The following ATM variants were observed in gnomAD, a reference collection of about 807,000 sequenced individuals.
The protein encoded by ATM is ATM serine/threonine kinase.
In ATM, 308 loss-of-function variants were observed where a neutral mutation model predicts 387.0. That is an observed-to-expected ratio of 0.80 (90% CI 0.73 to 0.87). The LOEUF is 0.87. ATM is among the 40% of genes least tolerant of loss of function. The pLI is 0.00. For missense variants in ATM, 3,312 were observed against 3,560.9 expected, an observed-to-expected ratio of 0.93 and a Z score of 1.78; for synonymous variants, 1,156 against 1,187.3, an observed-to-expected ratio of 0.97 and a Z score of 0.54.
chr11:108,252,488 T>C (rs1048186390), intron 11 of ATM, among the ~76,000 whole-genome samples: 11 of 152,286 alleles, frequency 7.2e-5, no homozygotes, highest in East Asian at 1.9e-4. Flanking sequence ...TTTCCACAGA[T>C]TGGTAATTGG....
intron 37 of ATM, among the ~76,000 whole-genome samples, chr11:108,307,499 T>G (rs2083781927): frequency 6.6e-6 from 1 of 152,234 alleles, no homozygotes; most frequent in Admixed American, 6.5e-5. Flanking sequence ...TTCCCTCTGC[T>G]AAGCTTCTGT....
At chr11:108,261,885 G>C (rs907079454) in intron 16 of ATM, among the ~76,000 whole-genome samples, 5 of 152,090 alleles carry the variant, frequency 3.3e-5, no homozygotes, top group South Asian at 2.1e-4. Flanking sequence ...GGGTATCAGC[G>C]ATGGAAGATG....
At chr11:108,225,860 C>A (rs1175247826) in intron 1 of ATM, 1 of 152,068 alleles carries the variant, frequency 6.6e-6, no homozygotes, top group Non-Finnish European at 1.5e-5. Context: ...GAAGATTGGA[C>A]CTGGTCTTTT....
chr11:108,357,580 G>C (rs1045964811), intron 61 of ATM, among the ~76,000 whole-genome samples: 1 of 152,178 alleles, frequency 6.6e-6, no homozygotes. Flanking sequence ...GGTTCTCCCA[G>C]CACGCAGCTG....
At chr11:108,309,889 C>T (rs2083998233) in intron 38 of ATM, among the ~76,000 whole-genome samples, 1 of 151,818 alleles carries the variant, frequency 6.6e-6, no homozygotes, top group Non-Finnish European at 1.5e-5. Flanking sequence ...AGATATGAAC[C>T]CCAATTTTGT....
intron 48 of ATM, 43 bp downstream of exon 48, chr11:108,327,801 A>T: frequency 3.0e-6 from 4 of 1,341,876 alleles, no homozygotes; most frequent in Non-Finnish European, 3.2e-6. Flanking sequence ...ACTTAGCATG[A>T]ATATGCTTCA....
chr11:108,281,940 C>T (rs1224951744), intron 24 of ATM, among the ~76,000 whole-genome samples: 2 of 151,862 alleles, frequency 1.3e-5, no homozygotes, highest in East Asian at 1.9e-4. Context: ...TGGATTTAAG[C>T]CTAAGAGAAA....
chr11:108,254,107 A>C, intron 13 of ATM, 68 bp downstream of exon 13: 1 of 1,477,022 alleles, frequency 6.8e-7, no homozygotes, highest in Non-Finnish European at 9.3e-7. Context: ...TAGGAAGGAG[A>C]AATAGGGGCA....
chr11:108,242,038 G>C (rs1409471342), intron 5 of ATM, among the ~76,000 whole-genome samples: 1 of 151,628 alleles, frequency 6.6e-6, no homozygotes, highest in Non-Finnish European at 1.5e-5. Flanking sequence ...TCTTTTTATG[G>C]CTTGATAGGC....
rs1307715383 is a variant in ATM, at chr11:108,299,750, T to C, written c.5042T>C (p.Ile1681Thr). The change falls in exon 34 of 63, where the codon ATA becomes ACA. Residue 1681 changes from isoleucine to threonine, a missense_variant. Ile to Thr is a moderately conservative substitution (Grantham distance 89). Transcript: ENST00000675843. The part of the protein sequence containing the change: ...VGSCLGEVGP[I>T]DFSTIAIQHS... The stretch of plus-strand genomic sequence containing the variant: ...AGCTGCTTGGGAGAAGTGGGTCCTA[T>C]AGATTTCTCTACCATAGCTATACAA... 36 of 1,613,848 alleles carry C rather than the reference T, an allele frequency of 2.2e-5. No individual in the cohort carries two copies. Among genetic ancestry groups the C allele is most frequent in the Non-Finnish European group, 3.1e-5 (36 of 1,179,918 alleles).
At chr11:108,248,849 T>A (rs2135287125) in intron 8 of ATM, 84 bp from the exon 9 acceptor site, 7 of 1,213,200 alleles carry the variant, frequency 5.8e-6, no homozygotes, top group Admixed American at 2.4e-5. Context: ...GATCGTGCTG[T>A]TCCACTCCAA....
At chr11:108,308,796 C>G in intron 38 of ATM, 1 of 528,894 alleles carries the variant, frequency 1.9e-6, no homozygotes. Context: ...TTCTTCTTCT[C>G]TAGTAGAAAA....
At chr11:108,315,622 T>C (rs2084558616) in intron 40 of ATM, among the ~76,000 whole-genome samples, 2 of 152,200 alleles carry the variant, frequency 1.3e-5, no homozygotes, top group South Asian at 4.1e-4. Flanking sequence ...AAAATCCACA[T>C]ATAAGTTGTC....
chr11:108,256,260 G>A lies in ATM; in HGVS notation c.2170G>A (p.Gly724Ser), dbSNP rs887317346. ...TLVRCSRLLV[G>S]VLGCYCYMGV... ...TGTCCGGTGTTCACGTCTTTTGGTG[G>A]GTGTCCTTGGCTGCTACTGTTACAT... Residue 724 changes from glycine (G) to serine (S), a missense_variant, in exon 14 of 63, where the codon GGT (glycine) becomes AGT (serine). This residue lies in a region of ATM where 1,791 missense variants were observed against 1,804.5 expected (regional missense o/e 0.99). Coordinates refer to ENST00000675843, the MANE Select transcript of ATM (RefSeq NM_000051.4). 3.1e-6 allele frequency: 5 copies of A among 1,610,152 alleles called. No individual in the cohort carries two copies. Among genetic ancestry groups the A allele is most frequent in the African/African-American group, 1.3e-5 (1 of 74,944 alleles).
At chr11:108,303,650 G>A (rs573882397) in intron 36 of ATM, among the ~76,000 whole-genome samples, 26 of 152,098 alleles carry the variant, frequency 1.7e-4, no homozygotes, top group Non-Finnish European at 2.9e-4. Context: ...AAGTATTTTC[G>A]TAATGTACTC....
At chr11:108,269,679 T>G (rs553630203) in intron 18 of ATM, among the ~76,000 whole-genome samples, 71 of 152,354 alleles carry the variant, frequency 4.7e-4, no homozygotes, top group African/African-American at 1.7e-3. Context: ...AGTTGGGTCC[T>G]AGGTCATGTC....
At position 108,315,869 on chromosome 11, in the gene ATM, T is replaced by C. The variant is rs755694394; in HGVS notation, c.6053T>C (p.Leu2018Ser). 6.2e-7 allele frequency: 1 copy of C among 1,613,536 alleles called. No individual in the cohort carries two copies. The highest frequency in any genetic ancestry group is 8.5e-7 in the Non-Finnish European group (1 of 1,179,456). Residue 2018 changes from leucine (L) to serine (S), a missense_variant, in exon 41 of 63, where the codon TTG becomes TCG. Physicochemically the swap from Leu to Ser is moderately radical, Grantham distance 145. This residue lies in a region of ATM where 1,405 missense variants were observed against 1,604.4 expected (regional missense o/e 0.88). Transcript: ENST00000675843. ...IYRSIGEPDS[L>S]YGCGGGKMLQ... is the part of the protein sequence containing the mutation. ...AGAAGTATAGGGGAGCCAGATAGTT[T>C]GTATGGCTGTGGTGGAGGGAAGATG...
At chr11:108,351,657 C>T (rs1400230899) in intron 59 of ATM, among the ~76,000 whole-genome samples, 2 of 152,150 alleles carry the variant, frequency 1.3e-5, no homozygotes, top group African/African-American at 2.4e-5. Context: ...CCTGGACCTA[C>T]TCAGCATCTT....
intron 5 of ATM, chr11:108,236,126 C>T: frequency 1.6e-5 from 7 of 424,884 alleles, no homozygotes; most frequent in South Asian, 1.3e-4. Context: ...CCCAAGTAAA[C>T]CAGAGTTCAT....
Sources: gnomAD v4.1 joint callset for allele counts (sites outside exome capture counted in the v4.1 genomes callset) on GRCh38, gnomAD v4.1.1 for gene constraint, gnomAD v4.1.1 regional missense constraint, MANE v1.5 for transcripts, NCBI Gene and HGNC (gene_info 2026-07-23, HGNC 2026-07-21) for gene names.